HCFC1: variants seen among roughly 807,000 people sequenced by gnomAD.
The protein encoded by HCFC1 is host cell factor C1.
HCFC1 carries 7 observed loss-of-function variants against 105.5 expected under a neutral mutation model. That is an observed-to-expected ratio of 0.07 (90% CI 0.04 to 0.12). The LOEUF (loss-of-function observed/expected upper bound fraction) is 0.12. Among genes scored for constraint, HCFC1 ranks in the 10% least tolerant of loss-of-function variants. The pLI is 1.00. For synonymous variants in HCFC1, 918 were observed against 828.1 expected (o/e 1.11, Z -1.86); for missense variants, 1,065 against 1,823.6 (o/e 0.58, Z 7.58).
At chrX:153,960,679 A>G (rs1177422707) in intron 6 of HCFC1, among the ~76,000 whole-genome samples, 1 of 112,665 alleles carries the variant, frequency 8.9e-6, no homozygotes, top group African/African-American at 3.2e-5. Flanking sequence ...GAACACTACA[A>G]CTCACAGAAA....
At position 153,950,200 on chromosome X, in the gene HCFC1, T is replaced by C. The variant is rs782307282; in HGVS notation, c.6004+43A>G. On this transcript the variant is annotated intron_variant, in intron 24 of 25. Transcript: ENST00000310441. Reference sequence around the variant, plus strand: ...GTTCCTCCTGCTGCACCCGGCTTCCTGGGCCTTCCCTGTGCCTGAAGAGCT... The same window carrying C: ...GTTCCTCCTGCTGCACCCGGCTTCCCGGGCCTTCCCTGTGCCTGAAGAGCT... 6 of 1,108,600 alleles carry C rather than the reference T, an allele frequency of 5.4e-6. 1 individual carries two copies. The South Asian group carries it at 8.8e-5, about 16-fold the overall frequency. The allele number at this position is 1,108,600 out of a possible 1,213,427, so 91.4% of individuals were successfully genotyped here. A position where few individuals can be genotyped will look rare whatever the true frequency, so the allele number is the denominator to read the frequency against.
intron 16 of HCFC1, among the ~76,000 whole-genome samples, chrX:153,955,789 G>A (rs1422563991): frequency 8.9e-6 from 1 of 112,950 alleles, no homozygotes; most frequent in African/African-American, 3.2e-5. Context: ...CAAGGGGAAG[G>A]CAGGAGGCTG....
chrX:153,951,281 T>C (rs1341584201), intron 22 of HCFC1, 69 bp downstream of exon 22: 1 of 1,144,609 alleles, frequency 8.7e-7, no homozygotes, highest in East Asian at 3.0e-5. Context: ...GAGTTTCCTG[T>C]AAGCCCCGCT....
intron 18 of HCFC1, 82 bp downstream of exon 18, chrX:153,953,525 A>T: frequency 9.8e-7 from 1 of 1,019,302 alleles, no homozygotes; most frequent in Non-Finnish European, 1.4e-6. Flanking sequence ...CTGGTACAAG[A>T]GCGACATCTG....
chrX:153,953,704 G>A lies in HCFC1; in HGVS notation c.4400C>T (p.Thr1467Ile). ...GGTTGTCGTGATGGCACTGGAGCTG[G>A]TGATGTTCACGCTGTCGCCCTGGGT... Reference protein sequence around the residue: ...ESTQGDSVNITSSSAITTTVS... With the variant: ...ESTQGDSVNIISSSAITTTVS... The change falls in exon 18 of 26, where the codon ACC becomes ATC. Residue 1467 changes from threonine to isoleucine, a missense_variant. This residue lies in a region of HCFC1 where 546 missense variants were observed against 599.9 expected (regional missense o/e 0.91). Coordinates refer to ENST00000310441, the MANE Select transcript of HCFC1 (RefSeq NM_005334.3). 1 of 1,210,922 alleles carries A rather than the reference G, an allele frequency of 8.3e-7. No individual in the cohort carries two copies. Among genetic ancestry groups the A allele is most frequent in the Non-Finnish European group, 1.1e-6 (1 of 894,932 alleles).
chrX:153,967,981 C>T (rs1237835550), intron 1 of HCFC1, among the ~76,000 whole-genome samples: 2 of 111,536 alleles, frequency 1.8e-5, no homozygotes, highest in Admixed American at 1.9e-4. Flanking sequence ...TTTGCACTCC[C>T]GCCCAACTCC....
At position 153,961,531 on chromosome X, in the gene HCFC1, G is replaced by A; in HGVS notation, c.904+11C>T. On this transcript the variant is annotated intron_variant, in intron 6 of 25. Transcript: ENST00000310441. ...CTCCCACAGGCCACTCGGAGCCCGA[G>A]GAGGCCATACCCAGGTTGAGACAAG... The A allele has an allele frequency of 8.6e-7, 1 of 1,166,217 alleles. No homozygotes were observed. The highest frequency in any genetic ancestry group is 1.2e-6 in the Non-Finnish European group (1 of 855,718).
intron 24 of HCFC1, among the ~76,000 whole-genome samples, chrX:153,949,966 C>T (rs1448650160): frequency 2.7e-5 from 3 of 111,788 alleles, no homozygotes; most frequent in South Asian, 3.7e-4. Flanking sequence ...GGACCTGGGA[C>T]GTGCTGTTTT....
chrX:153,954,990 G>A lies in HCFC1; in HGVS notation c.3409C>T (p.Arg1137Trp), dbSNP rs1043389387. Reference protein sequence around the residue: ...VGANHQRDARRACAAGTPAVI... With the variant: ...VGANHQRDARWACAAGTPAVI... The stretch of plus-strand genomic sequence containing the variant: ...GCAGGGGTGCCAGCTGCACAGGCCC[G>A]ACGGGCATCTCGCTGGTGGTTGGCG... The change falls in exon 17 of 26, where the codon CGG becomes TGG. Residue 1137 changes from arginine (R) to tryptophan (W), a missense_variant. Around this residue, in one of 17 missense-constraint regions of HCFC1, gnomAD observed 546 missense variants for 599.9 expected, o/e 0.91. Coordinates refer to ENST00000310441, the MANE Select transcript of HCFC1 (RefSeq NM_005334.3). 3.5e-5 allele frequency: 42 copies of A among 1,205,478 alleles called. No individual in the cohort carries two copies. The highest frequency in any genetic ancestry group is 6.0e-5 in the East Asian group (2 of 33,600).
At chrX:153,955,878 C>T (rs1405576524) in intron 16 of HCFC1, among the ~76,000 whole-genome samples, 1 of 113,110 alleles carries the variant, frequency 8.8e-6, no homozygotes, top group African/African-American at 3.2e-5. Context: ...TCACCGTTTT[C>T]CTTAATATGT....
chrX:153,957,920 G>A (rs1290161298), intron 11 of HCFC1, 34 bp from the exon 12 acceptor site: 1 of 1,168,602 alleles, frequency 8.6e-7, no homozygotes, highest in Non-Finnish European at 1.2e-6. Flanking sequence ...GGAGTGATCT[G>A]GAAACCAAAC....
chrX:153,967,423 G>C (rs978306962), intron 1 of HCFC1, among the ~76,000 whole-genome samples: 1 of 112,346 alleles, frequency 8.9e-6, no homozygotes, highest in Admixed American at 9.4e-5. Context: ...GGTTGCCACT[G>C]TCCCATCACC....
chrX:153,949,367 A>G lies in HCFC1; in HGVS notation c.6088T>C (p.Ser2030Pro). 2 of 1,207,244 alleles carry G rather than the reference A, an allele frequency of 1.7e-6. No individual in the cohort carries two copies. The highest frequency in any genetic ancestry group is 1.8e-5 in the South Asian group (1 of 56,819). Residue 2030 changes from serine to proline, a missense_variant, in exon 26 of 26, where the codon TCT (serine) becomes CCT (proline). Physicochemically the swap from Ser to Pro is moderately conservative, Grantham distance 74. Around this residue, in one of 17 missense-constraint regions of HCFC1, gnomAD observed 18 missense variants for 28.8 expected, o/e 0.62. Transcript: ENST00000310441. Reference sequence around the variant, plus strand: ...TCCTCTCACTGACCATCGGCCTTAGATTTCTTTGGAGCAGATTTCCTTGGA... The same window carrying G: ...TCCTCTCACTGACCATCGGCCTTAGGTTTCTTTGGAGCAGATTTCCTTGGA... ...SPEMKSAPKKSKADGQ is the reference protein window; with the variant it reads ...SPEMKSAPKKPKADGQ
In HCFC1 at chrX:153,970,946, G is replaced by T; in HGVS notation, c.-106C>A. ...TCTAAGGCAGCTCTCACGGAGAAGC[G>T]GTTTCTCACACAGCGGTAGACGACT... On this transcript the variant is annotated 5_prime_UTR_variant, in exon 1 of 26. Coordinates refer to ENST00000310441, the MANE Select transcript of HCFC1 (RefSeq NM_005334.3). 1.5e-6 allele frequency: 1 copy of T among 672,017 alleles called. No homozygotes were observed. 55.4% of individuals were successfully genotyped at this position (672,017 alleles called of 1,213,427 possible).
rs202012446 is a variant in HCFC1, at chrX:153,954,259, G to A, written c.4140C>T (p.Ala1380=). The change falls in exon 17 of 26, where the codon GCC becomes GCT. Residue 1380 remains alanine, a synonymous_variant. Transcript: ENST00000310441. Reference sequence around the variant, plus strand: ...ACTCCACGGTCCTGTGGGAAGAAGTGGCGTCGGGAAGCAGGGCACCCACGC... The same window carrying A: ...ACTCCACGGTCCTGTGGGAAGAAGTAGCGTCGGGAAGCAGGGCACCCACGC... ...SVSVGALLPD[A]TSSHRTVESG... 8.3e-7 allele frequency: 1 copy of A among 1,203,777 alleles called. No individual in the cohort carries two copies. The highest frequency in any genetic ancestry group is 1.7e-5 in the African/African-American group (1 of 57,410).
rs2065362002 is a variant in HCFC1 at position 153,955,141 on chromosome X, G to A, written c.3258C>T (p.Gly1086=). ...SNPPCETHET[G]TTNTATTATS... ...TGGCGGTGGTGGCGGTGTTGGTGGT[G>A]CCCGTCTCGTGGGTCTCGCAGGGCG... The change falls in exon 17 of 26, where the codon GGC becomes GGT. Residue 1086 remains glycine (G), a synonymous_variant. Transcript: ENST00000310441. The A allele has an allele frequency of 1.7e-6, 2 of 1,209,822 alleles. No homozygotes were observed. Among genetic ancestry groups the A allele is most frequent in the Admixed American group, 2.2e-5 (1 of 45,876 alleles).
In HCFC1 at chrX:153,953,598, G is replaced by A; in HGVS notation, c.4497+9C>T. 8.3e-7 allele frequency: 1 copy of A among 1,206,015 alleles called. No individual in the cohort carries two copies. Among genetic ancestry groups the A allele is most frequent in the African/African-American group, 1.7e-5 (1 of 57,736 alleles). On this transcript the variant is annotated intron_variant, in intron 18 of 25. Transcript: ENST00000310441. ...AGGCGGGGAAGAACACGGCCCCCTG[G>A]GCTCTTACCGGCACAGAGGGGCCCG...
rs1557111735 is a variant in HCFC1, at chrX:153,949,069, A to G, written c.*278T>C. The stretch of plus-strand genomic sequence containing the variant: ...CCTCAGCTCCGCCTTCCCTCCCCGC[A>G]AAAGTCTCTCCCCAGGGTGGGCGGC... On this transcript the variant is annotated 3_prime_UTR_variant, in exon 26 of 26. Coordinates refer to ENST00000310441, the MANE Select transcript of HCFC1 (RefSeq NM_005334.3). 4.8e-5 allele frequency: 12 copies of G among 251,754 alleles called. No homozygotes were observed. The highest frequency in any genetic ancestry group is 5.6e-5 in the Non-Finnish European group (8 of 142,624). The allele number at this position is 251,754 out of a possible 1,213,427, so 20.7% of individuals were successfully genotyped here. A position where few individuals can be genotyped will look rare whatever the true frequency, so the allele number is the denominator to read the frequency against.
intron 1 of HCFC1, among the ~76,000 whole-genome samples, chrX:153,967,964 A>G (rs1201195914): frequency 2.7e-5 from 3 of 111,523 alleles, no homozygotes; most frequent in Non-Finnish European, 5.7e-5. Flanking sequence ...AACGGCCTCT[A>G]TGAAGGTTTG....
Sources: gnomAD v4.1 joint callset for allele counts (sites outside exome capture counted in the v4.1 genomes callset) on GRCh38, gnomAD v4.1.1 for gene constraint, gnomAD v4.1.1 regional missense constraint, MANE v1.5 for transcripts, NCBI Gene and HGNC (gene_info 2026-07-23, HGNC 2026-07-21) for gene names.